GANAB: variants seen among roughly 807,000 people sequenced by gnomAD.
The protein encoded by GANAB is neutral alpha-glucosidase AB.
GANAB carries 35 observed loss-of-function variants against 129.9 expected under a neutral mutation model. That is an observed-to-expected ratio of 0.27 (90% CI 0.21 to 0.36). The LOEUF is 0.36. Among genes scored for constraint, GANAB ranks in the 10% least tolerant of loss-of-function variants. The probability of loss-of-function intolerance (pLI) is 1.00; values close to 1 mark genes in which losing one functional copy is unlikely to be tolerated. For missense variants in GANAB, 939 were observed against 1,221.0 expected (o/e 0.77, Z 3.44); for synonymous variants, 482 against 451.8 (o/e 1.07, Z -0.85).
chr11:62,638,401 C>G (rs1334016997), intron 4 of GANAB, among the ~76,000 whole-genome samples: 1 of 152,148 alleles, frequency 6.6e-6, no homozygotes. Flanking sequence ...ATCTGCCCAC[C>G]TCGACCTCCC....
intron 4 of GANAB, among the ~76,000 whole-genome samples, chr11:62,636,171 A>G (rs1333212082): frequency 2.0e-5 from 3 of 151,892 alleles, no homozygotes; most frequent in Middle Eastern, 3.4e-3. Context: ...TTGTATTTTC[A>G]GTAGAGACGG....
intron 14 of GANAB, 22 bp from the exon 15 acceptor site, chr11:62,629,706 G>A: frequency 1.9e-6 from 3 of 1,605,446 alleles, no homozygotes; most frequent in African/African-American, 1.3e-5. Context: ...GAGAAGAGAC[G>A]GGTAGTGAGG....
chr11:62,635,857 T>C (rs1943918672), intron 4 of GANAB, among the ~76,000 whole-genome samples: 1 of 152,066 alleles, frequency 6.6e-6, no homozygotes, highest in Admixed American at 6.6e-5. Flanking sequence ...CTCAAACTCC[T>C]GACCTCAAGT....
rs1943653110 is a variant in GANAB at position 62,631,049 on chromosome 11, C to A, written c.1131G>T (p.Arg377=). The A allele has an allele frequency of 8.1e-6, 13 of 1,607,220 alleles. No homozygotes were observed. Among genetic ancestry groups the A allele is most frequent in the Non-Finnish European group, 1.1e-5 (13 of 1,174,400 alleles). The change falls in exon 10 of 24, where the codon CGG becomes CGT. Residue 377 remains arginine (R), a synonymous_variant. Transcript: ENST00000356638. ...LLGPSISDVF[R]QYASLTGTQA... is the part of the protein sequence containing the mutation. The stretch of plus-strand genomic sequence containing the variant: ...ATGTACCTGTGAGACTAGCATATTG[C>A]CGGAAAACATCAGAGATGGAGGGCC...
intron 22 of GANAB, 37 bp from the exon 23 acceptor site, chr11:62,626,202 A>G (rs1943365620): frequency 2.0e-6 from 3 of 1,479,150 alleles, no homozygotes; most frequent in Admixed American, 1.7e-5. Flanking sequence ...TCAGGGGGAA[A>G]AATAACAGAA....
At chr11:62,633,134 T>A in intron 7 of GANAB, 33 bp from the exon 8 acceptor site, 1 of 1,601,972 alleles carries the variant, frequency 6.2e-7, no homozygotes, top group Non-Finnish European at 8.6e-7. Flanking sequence ...TCAGAGCTTC[T>A]GCTTGGAAAG....
rs776300183 is a variant in GANAB at position 62,625,970 on chromosome 11, A to G, written c.2726-46T>C. On this transcript the variant is annotated intron_variant, in intron 23 of 23. Coordinates refer to ENST00000356638, the MANE Select transcript of GANAB (RefSeq NM_198334.3). ...TGCCATAGTCATACCAATGGGCTAT[A>G]GCATAACAACAACGTTCCTACAGGC... The G allele has an allele frequency of 3.3e-5, 48 of 1,468,956 alleles. 2 individuals are homozygous for G. The South Asian group carries it at 4.6e-4, about 14-fold the overall frequency. 91.0% of individuals were successfully genotyped at this position (1,468,956 alleles called of 1,614,324 possible). A position where few individuals can be genotyped will look rare whatever the true frequency, so the allele number is the denominator to read the frequency against.
At chr11:62,641,815 G>C (rs1467996282) in intron 1 of GANAB, among the ~76,000 whole-genome samples, 2 of 151,736 alleles carry the variant, frequency 1.3e-5, no homozygotes, top group Non-Finnish European at 2.9e-5. Flanking sequence ...CCTGACCTCA[G>C]GTGATCCACC....
rs775672548 is a variant in GANAB, at chr11:62,639,719, A to C, written c.51T>G (p.Ser17=). 1.1e-5 allele frequency: 17 copies of C among 1,612,648 alleles called. No homozygotes were observed. The South Asian group carries it at 1.6e-4, about 16-fold the overall frequency. ...AGACCCCTAAAAAAGCCAGTACCAAAGACGCCCAAGACCTAAGGAGAAAAG... is the reference window on the plus strand; with the variant it reads ...AGACCCCTAAAAAAGCCAGTACCAACGACGCCCAAGACCTAAGGAGAAAAG... ...VAARRRRSWA[S]LVLAFLGVCL... The change falls in exon 2 of 24, where the codon TCT becomes TCG. Residue 17 remains serine (S), a synonymous_variant. Transcript: ENST00000356638.
chr11:62,627,333 G>T lies in GANAB; in HGVS notation c.2201C>A (p.Pro734His). ...PVMRPLWVQY[P>H]QDVTTFNIDD... ...TATATTGAAGGTAGTCACATCCTGAGGGTACTGCACCCACAGGGGCCTAGG... is the reference window on the plus strand; with the variant it reads ...TATATTGAAGGTAGTCACATCCTGATGGTACTGCACCCACAGGGGCCTAGG... The change falls in exon 18 of 24, where the codon CCT (proline) becomes CAT (histidine). Residue 734 changes from proline (P) to histidine (H), a missense_variant. Physicochemically the swap from Pro to His is moderately conservative, Grantham distance 77. Coordinates refer to ENST00000356638, the MANE Select transcript of GANAB (RefSeq NM_198334.3). 6.4e-7 allele frequency: 1 copy of T among 1,572,984 alleles called. No individual in the cohort carries two copies. Among genetic ancestry groups the T allele is most frequent in the Non-Finnish European group, 8.8e-7 (1 of 1,142,540 alleles).
intron 1 of GANAB, among the ~76,000 whole-genome samples, chr11:62,640,308 C>T (rs571571217): frequency 5.0e-5 from 7 of 138,898 alleles, no homozygotes; most frequent in East Asian, 4.6e-4. Context: ...CTGAAGTGGG[C>T]GGATCACGAG....
chr11:62,633,224 C>G lies in GANAB; in HGVS notation c.678G>C (p.Trp226Cys), dbSNP rs1409961639. 1 of 1,614,138 alleles carries G rather than the reference C, an allele frequency of 6.2e-7. No individual in the cohort carries two copies. Among genetic ancestry groups the G allele is most frequent in the Non-Finnish European group, 8.5e-7 (1 of 1,180,000 alleles). ...CAGAGTGAGTTTTGAATGTCTCCTC[C>G]CAGGCTCCTGGCTCATCTTTCTCTG... Reference protein sequence around the residue: ...GKAEKDEPGAWEETFKTHSDS... With the variant: ...GKAEKDEPGACEETFKTHSDS... Residue 226 changes from tryptophan (W) to cysteine (C), a missense_variant, in exon 7 of 24, where the codon TGG becomes TGC. This residue lies in a region of GANAB where 321 missense variants were observed against 329.1 expected (regional missense o/e 0.98). Coordinates refer to ENST00000356638, the MANE Select transcript of GANAB (RefSeq NM_198334.3).
chr11:62,639,249 A>C (rs1171125207), intron 3 of GANAB, 110 bp downstream of exon 3: 3 of 1,297,314 alleles, frequency 2.3e-6, no homozygotes, highest in Non-Finnish European at 3.3e-6. Context: ...TCATAAAGTA[A>C]AAGTCCAAAG....
In GANAB at chr11:62,634,920, C is replaced by T. The variant is rs142226736; in HGVS notation, c.461G>A (p.Arg154Gln). 1.5e-5 allele frequency: 25 copies of T among 1,613,574 alleles called. No individual in the cohort carries two copies. In the African/African-American group the frequency reaches 2.3e-4, roughly 15 times the overall value. Residue 154 changes from arginine (R) to glutamine (Q), a missense_variant, in exon 5 of 24, where the codon CGG becomes CAG. Around this residue, in one of 5 missense-constraint regions of GANAB, gnomAD observed 321 missense variants for 329.1 expected, o/e 0.98. Coordinates refer to ENST00000356638, the MANE Select transcript of GANAB (RefSeq NM_198334.3). ...CTCTAGTAGGTCAAGGCGGAATGGC[C>T]GTGCTGTCAAGATGATCTTGTAGGG... ...EGPYKIILTA[R>Q]PFRLDLLEDR...
Position 62,631,032 on chromosome 11 carries a change from G to A in GANAB, c.1148C>T (p.Thr383Ile). Residue 383 changes from threonine to isoleucine, a missense_variant and splice_region_variant, in exon 10 of 24, where the codon ACA becomes ATA. Physicochemically the swap from Thr to Ile is moderately conservative, Grantham distance 89. Coordinates refer to ENST00000356638, the MANE Select transcript of GANAB (RefSeq NM_198334.3). ...ATGAGGCAGGGAAAACCATGTACCTGTGAGACTAGCATATTGCCGGAAAAC... is the reference window on the plus strand; with the variant it reads ...ATGAGGCAGGGAAAACCATGTACCTATGAGACTAGCATATTGCCGGAAAAC... The part of the protein sequence containing the change: ...SDVFRQYASL[T>I]GTQALPPLFS... The A allele has an allele frequency of 6.3e-7, 1 of 1,597,462 alleles. No homozygotes were observed. The highest frequency in any genetic ancestry group is 1.1e-5 in the South Asian group (1 of 90,660).
chr11:62,634,393 G>A (rs368100205), intron 5 of GANAB: 5 of 1,547,926 alleles, frequency 3.2e-6, no homozygotes, highest in South Asian at 1.1e-5. Flanking sequence ...AGGAGGAGAT[G>A]GGTAGGGAAG....
chr11:62,646,066 G>A (rs866215575), intron 1 of GANAB, among the ~76,000 whole-genome samples: 1 of 152,238 alleles, frequency 6.6e-6, no homozygotes, highest in Non-Finnish European at 1.5e-5. Context: ...TGGTGCTCAC[G>A]TGAAGACAAG....
chr11:62,634,715 G>A, intron 5 of GANAB, 106 bp downstream of exon 5: 1 of 931,280 alleles, frequency 1.1e-6, no homozygotes, highest in Non-Finnish European at 1.7e-6. Context: ...CCAGCCCCCA[G>A]GCCCTACCTG....
At chr11:62,636,579 G>C (rs1943948626) in intron 4 of GANAB, among the ~76,000 whole-genome samples, 1 of 152,218 alleles carries the variant, frequency 6.6e-6, no homozygotes, top group African/African-American at 2.4e-5. Context: ...CACTTTCGGA[G>C]GCCGAGGCAG....
Sources: allele counts gnomAD v4.1 joint callset (sites outside exome capture counted in the v4.1 genomes callset), GRCh38; gene constraint gnomAD v4.1.1; regional missense constraint gnomAD v4.1.1; transcripts MANE v1.5; gene names NCBI Gene and HGNC (gene_info 2026-07-23, HGNC 2026-07-21).